RHOQ: variants seen among roughly 807,000 people sequenced by gnomAD.
The protein encoded by RHOQ is ras homolog family member Q.
In RHOQ, 7 loss-of-function variants were observed where a neutral mutation model predicts 25.8. The ratio of observed to expected loss-of-function variants is 0.27; its 90% confidence interval spans 0.15 to 0.51. RHOQ has a LOEUF of 0.51. RHOQ is among the 20% of genes least tolerant of loss of function. RHOQ has a pLI of 0.97. For synonymous variants in RHOQ, 97 were observed against 98.6 expected (o/e 0.98, Z 0.10); for missense variants, 165 against 260.6 (o/e 0.63, Z 2.53).
intron 2 of RHOQ, among the ~76,000 whole-genome samples, chr2:46,565,201 C>G (rs1668694226): frequency 1.3e-5 from 2 of 152,156 alleles, no homozygotes; most frequent in South Asian, 2.1e-4. Flanking sequence ...GGGAATGAAA[C>G]TCAATGATTG....
At chr2:46,575,072 G>C (rs538107656) in intron 2 of RHOQ, among the ~76,000 whole-genome samples, 1 of 152,234 alleles carries the variant, frequency 6.6e-6, no homozygotes, top group Non-Finnish European at 1.5e-5. Context: ...ATGCAAAAAA[G>C]GATATTCACT....
Position 46,581,726 on chromosome 2 carries a change from AC to A in RHOQ, c.*644del, listed in dbSNP as rs1227103457. On this transcript the variant is annotated 3_prime_UTR_variant, in exon 5 of 5. Coordinates refer to ENST00000238738, the MANE Select transcript of RHOQ (RefSeq NM_012249.4). ...ATGCCAAAAGTGTAATAAGGTCATA[AC>A]TGCATTTATCATGAACACTAAAAAT... is the stretch of plus-strand genomic sequence containing the variant. 1 of 1,270,662 alleles carries A rather than the reference AC, an allele frequency of 7.9e-7. No homozygotes were observed. The highest frequency in any genetic ancestry group is 2.8e-5 in the East Asian group (1 of 35,900). 78.7% of individuals were successfully genotyped at this position (1,270,662 alleles called of 1,614,324 possible).
intron 2 of RHOQ, among the ~76,000 whole-genome samples, chr2:46,558,945 C>T (rs554691515): frequency 3.9e-5 from 6 of 151,960 alleles, no homozygotes; most frequent in Non-Finnish European, 7.4e-5. Flanking sequence ...ATCTTCTAAG[C>T]GGTTTAGGTT....
At chr2:46,543,563 C>T (rs960970094) in intron 1 of RHOQ, 191 bp from the exon 2 acceptor site, 1 of 623,124 alleles carries the variant, frequency 1.6e-6, no homozygotes, top group Non-Finnish European at 2.9e-6. Flanking sequence ...CGGCTGGGGA[C>T]CACATCACAC....
intron 1 of RHOQ, 40 bp downstream of exon 1, chr2:46,543,228 G>C: frequency 6.2e-7 from 1 of 1,608,376 alleles, no homozygotes; most frequent in Non-Finnish European, 8.5e-7. Flanking sequence ...CGCTCCCCGG[G>C]CCGGGAACTT....
chr2:46,558,510 C>T (rs536293207), intron 2 of RHOQ, among the ~76,000 whole-genome samples: 5 of 152,306 alleles, frequency 3.3e-5, no homozygotes, highest in Admixed American at 3.3e-4. Flanking sequence ...GTTTAGAAGT[C>T]CCCTGCCAAC....
Position 46,569,851 on chromosome 2 carries a change from A to C in RHOQ, c.202-6236A>C, listed in dbSNP as rs1668856148. Among the ~76,000 whole-genome samples the C allele has an allele frequency of 6.6e-6, 1 of 152,202 alleles. No homozygotes were observed. Among genetic ancestry groups the C allele is most frequent in the East Asian group, 1.9e-4 (1 of 5,202 alleles). The stretch of plus-strand genomic sequence containing the variant: ...GAAAAGAAAACACCAGATGTTTGCA[A>C]AGTTTTTGAAAAACAGTGACCTCTT... On this transcript the variant is annotated intron_variant, in intron 2 of 4. Transcript: ENST00000238738. The surrounding 1 kb of genome is among the most constrained non-coding windows in gnomAD (Gnocchi z 4.1).
chr2:46,553,721 A>G lies in RHOQ; in HGVS notation c.201+9909A>G, dbSNP rs182339274. Among the ~76,000 whole-genome samples, 824 of 150,852 alleles carry G rather than the reference A, an allele frequency of 5.5e-3. 11 individuals are homozygous for G. Among genetic ancestry groups the G allele is most frequent in the African/African-American group, 0.02 (796 of 40,808 alleles). On this transcript the variant is annotated intron_variant, in intron 2 of 4. Coordinates refer to ENST00000238738, the MANE Select transcript of RHOQ (RefSeq NM_012249.4). ...CAGCCTCCCAAGTAGCTGGGACTACAGGTGCCCGCCACCATGCCCAGCTAA... is the reference window on the plus strand; with the variant it reads ...CAGCCTCCCAAGTAGCTGGGACTACGGGTGCCCGCCACCATGCCCAGCTAA...
rs923397263 is a variant in RHOQ at position 46,565,034 on chromosome 2, G to T, written c.202-11053G>T. Among the ~76,000 whole-genome samples the T allele has an allele frequency of 2.0e-5, 3 of 152,170 alleles. No individual in the cohort carries two copies. The East Asian group carries it at 5.8e-4, about 29-fold the overall frequency. ...CCTTTTATAGTGTGGAGGAGAGGAG[G>T]TGGGGAGCAGCTGCAGGAGAAGGTG... On this transcript the variant is annotated intron_variant, in intron 2 of 4. Transcript: ENST00000238738.
At chr2:46,546,363 TAAC>T (rs911694963) in intron 2 of RHOQ, among the ~76,000 whole-genome samples, 22 of 148,124 alleles carry the variant, frequency 1.5e-4, no homozygotes, top group South Asian at 4.3e-4. Context: ...CTTACAATAA[TAAC>T]AATGATAAAT....
At chr2:46,561,453 G>A (rs528982861) in intron 2 of RHOQ, among the ~76,000 whole-genome samples, 33 of 152,214 alleles carry the variant, frequency 2.2e-4, no homozygotes, top group African/African-American at 6.5e-4. Flanking sequence ...CAGAGTAGTC[G>A]TTCATCGGAG....
In RHOQ at chr2:46,542,632, CCGCGGGAGGGGCCCGGGTTGG is replaced by C. The variant is rs1406943411; in HGVS notation, c.-408_-388del. ...CCTGGGCCCGCCCTCCTCCGGGGCG[CCGCGGGAGGGGCCCGGGTTGG>C]CGCGGGGCGGGGAGAGCCGCCTGGC... On this transcript the variant is annotated 5_prime_UTR_variant, in exon 1 of 5. Transcript: ENST00000238738. 3 of 146,628 alleles carry C rather than the reference CCGCGGGAGGGGCCCGGGTTGG, an allele frequency of 2.0e-5. No individual in the cohort carries two copies. Among genetic ancestry groups the C allele is most frequent in the Non-Finnish European group, 4.5e-5 (3 of 65,936 alleles). The allele number at this position is 146,628 out of a possible 1,614,324, so 9.1% of individuals were successfully genotyped here.
chr2:46,552,123 T>C lies in RHOQ; in HGVS notation c.201+8311T>C, dbSNP rs1167621428. Among the ~76,000 whole-genome samples the C allele has an allele frequency of 6.6e-6, 1 of 152,254 alleles. No homozygotes were observed. Among genetic ancestry groups the C allele is most frequent in the East Asian group, 1.9e-4 (1 of 5,200 alleles). ...GTACATTCCAAGCGTATCGCTTTTC[T>C]AGCTAGAAGAGATGGTGGAACATTG... On this transcript the variant is annotated intron_variant, in intron 2 of 4. Coordinates refer to ENST00000238738, the MANE Select transcript of RHOQ (RefSeq NM_012249.4). This position sits in a 1 kb window ranked among gnomAD's most constrained non-coding sequence, Gnocchi z 5.0.
chr2:46,543,768 G>T lies in RHOQ; in HGVS notation c.157G>T (p.Gly53Trp), dbSNP rs780465733. ...FDHYAVSVTV[G>W]GKQYLLGLYD... ...TGTCCTTGCAGTCAGCGTCACCGTG[G>T]GGGGCAAGCAGTACCTCCTAGGACT... Residue 53 changes from glycine (G) to tryptophan (W), a missense_variant, in exon 2 of 5, where the codon GGG (glycine) becomes TGG (tryptophan). Transcript: ENST00000238738. The T allele has an allele frequency of 6.2e-7, 1 of 1,613,734 alleles. No individual in the cohort carries two copies. Among genetic ancestry groups the T allele is most frequent in the Non-Finnish European group, 8.5e-7 (1 of 1,179,884 alleles).
rs919260392 is a variant in RHOQ at position 46,552,420 on chromosome 2, A to C, written c.201+8608A>C. Among the ~76,000 whole-genome samples the C allele has an allele frequency of 6.6e-6, 1 of 152,204 alleles. No homozygotes were observed. The highest frequency in any genetic ancestry group is 2.4e-5 in the African/African-American group (1 of 41,446). ...CCAGGCGGGCCAGCTTTAGCCTGCA[A>C]ATGACGGGTGTCGTTTGTGTCCCAT... On this transcript the variant is annotated intron_variant, in intron 2 of 4. Coordinates refer to ENST00000238738, the MANE Select transcript of RHOQ (RefSeq NM_012249.4). This position sits in a 1 kb window ranked among gnomAD's most constrained non-coding sequence, Gnocchi z 5.0.
chr2:46,543,010 C>T lies in RHOQ; in HGVS notation c.-37C>T. 2 of 1,497,002 alleles carry T rather than the reference C, an allele frequency of 1.3e-6. No homozygotes were observed. The highest frequency in any genetic ancestry group is 1.8e-6 in the Non-Finnish European group (2 of 1,122,088). 92.7% of individuals were successfully genotyped at this position (1,497,002 alleles called of 1,614,324 possible). A position where few individuals can be genotyped will look rare whatever the true frequency, so the allele number is the denominator to read the frequency against. Reference sequence around the variant, plus strand: ...TGAGCCCGGGGCCGGGGCGGGGGCTCCGGGGGGACCATGCCCGGAGGCCGG... The same window carrying T: ...TGAGCCCGGGGCCGGGGCGGGGGCTTCGGGGGGACCATGCCCGGAGGCCGG... On this transcript the variant is annotated 5_prime_UTR_variant, in exon 1 of 5. Coordinates refer to ENST00000238738, the MANE Select transcript of RHOQ (RefSeq NM_012249.4).
Position 46,566,227 on chromosome 2 carries a change from G to A in RHOQ, c.202-9860G>A, listed in dbSNP as rs762370744. Among the ~76,000 whole-genome samples, 1 of 152,152 alleles carries A rather than the reference G, an allele frequency of 6.6e-6. No individual in the cohort carries two copies. Among genetic ancestry groups the A allele is most frequent in the Non-Finnish European group, 1.5e-5 (1 of 68,032 alleles). On this transcript the variant is annotated intron_variant, in intron 2 of 4. Transcript: ENST00000238738. The surrounding 1 kb of genome is among the most constrained non-coding windows in gnomAD (Gnocchi z 4.2). ...GAAGAAATGAATTTAGTTCAGAAAT[G>A]TTGAATTTGAGATGCTTCTGGTTCA...
chr2:46,543,298 C>A (rs1667896594), intron 1 of RHOQ, 110 bp downstream of exon 1: 2 of 1,258,744 alleles, frequency 1.6e-6, no homozygotes, highest in African/African-American at 1.5e-5. Context: ...TCTCCCCTCC[C>A]CCGCCGCGCC....
At chr2:46,549,179 G>C (rs1172639949) in intron 2 of RHOQ, among the ~76,000 whole-genome samples, 1 of 152,168 alleles carries the variant, frequency 6.6e-6, no homozygotes, top group Non-Finnish European at 1.5e-5. Flanking sequence ...CTTCCCCGCA[G>C]GTATCTCAAG....
Sources: allele counts gnomAD v4.1 joint callset (sites outside exome capture counted in the v4.1 genomes callset), GRCh38; gene constraint gnomAD v4.1.1; non-coding constraint Gnocchi (gnomAD v3.1); transcripts MANE v1.5; gene names NCBI Gene and HGNC (gene_info 2026-07-23, HGNC 2026-07-21).